PLD1: variants seen among roughly 807,000 people sequenced by gnomAD.
PLD1 encodes phospholipase D1, also known as choline phosphatase 1.
A neutral mutation model predicts 137.1 loss-of-function variants in PLD1; 112 were observed. That is an observed-to-expected ratio of 0.82 (90% CI 0.70 to 0.96). The LOEUF is 0.96. PLD1 is among the 40% of genes least tolerant of loss of function. The pLI is 0.00. For missense variants in PLD1, 1,321 were observed against 1,342.0 expected, an observed-to-expected ratio of 0.98 and a Z score of 0.24; for synonymous variants, 431 against 454.7, an observed-to-expected ratio of 0.95 and a Z score of 0.66.
intron 25 of PLD1, among the ~76,000 whole-genome samples, chr3:171,606,522 C>T (rs923239858): frequency 6.6e-6 from 1 of 152,012 alleles, no homozygotes; most frequent in Non-Finnish European, 1.5e-5. Flanking sequence ...TGTATATCAA[C>T]AGTAAGGGAG....
chr3:171,687,306 G>T, intron 15 of PLD1, 65 bp downstream of exon 15: 4 of 1,287,920 alleles, frequency 3.1e-6, no homozygotes, highest in Middle Eastern at 1.9e-4. Flanking sequence ...AAACAGGTAT[G>T]TAGTGTCTGG....
chr3:171,612,590 AG>A lies in PLD1; in HGVS notation c.2729-159del, dbSNP rs1430725468. Among the ~76,000 whole-genome samples the A allele has an allele frequency of 3.3e-5, 5 of 152,138 alleles. No individual in the cohort carries two copies. Among genetic ancestry groups the A allele is most frequent in the Non-Finnish European group, 7.4e-5 (5 of 68,000 alleles). On this transcript the variant is annotated intron_variant, in intron 24 of 26. Coordinates refer to ENST00000351298, the MANE Select transcript of PLD1 (RefSeq NM_002662.5). The surrounding 1 kb of genome is among the most constrained non-coding windows in gnomAD (Gnocchi z 4.1). ...AGGGAGGTGGGGCCCTCCCTAACCC[AG>A]GGGTGAATCTTAATCAGTCTAAGCC...
intron 8 of PLD1, among the ~76,000 whole-genome samples, chr3:171,718,043 T>A (rs927785841): frequency 2.0e-5 from 3 of 152,226 alleles, no homozygotes; most frequent in African/African-American, 4.8e-5. Context: ...AATTTGCATA[T>A]GTTGAACCAT....
intron 16 of PLD1, among the ~76,000 whole-genome samples, chr3:171,685,267 A>ACTCAAAGT (rs1463971073): frequency 4.6e-5 from 7 of 152,158 alleles, no homozygotes; most frequent in African/African-American, 1.7e-4. Flanking sequence ...GGGAATCATT[A>ACTCAAAGT]CTCAAAGTCT....
At chr3:171,749,549 A>G (rs1342674235) in intron 1 of PLD1, among the ~76,000 whole-genome samples, 2 of 152,236 alleles carry the variant, frequency 1.3e-5, no homozygotes, top group Admixed American at 6.5e-5. Context: ...TAGATTTACC[A>G]TCCCACAGAT....
chr3:171,606,837 C>A (rs149959352), intron 25 of PLD1, among the ~76,000 whole-genome samples: 1 of 152,172 alleles, frequency 6.6e-6, no homozygotes, highest in East Asian at 1.9e-4. Flanking sequence ...ACAGTTTATT[C>A]ATCATATGTG....
intron 1 of PLD1, among the ~76,000 whole-genome samples, chr3:171,768,424 A>G (rs1478223810): frequency 2.6e-5 from 4 of 152,224 alleles, no homozygotes; most frequent in Non-Finnish European, 4.4e-5. Flanking sequence ...TGACAAGGCT[A>G]TAAACTGCAG....
intron 23 of PLD1, among the ~76,000 whole-genome samples, chr3:171,629,026 A>G (rs1352891299): frequency 4.7e-5 from 7 of 148,332 alleles, no homozygotes; most frequent in African/African-American, 1.2e-4. Flanking sequence ...ATTAGGCAGG[A>G]GAAGGAAATA....
intron 23 of PLD1, among the ~76,000 whole-genome samples, chr3:171,621,431 T>C (rs1733622820): frequency 6.6e-6 from 1 of 152,170 alleles, no homozygotes; most frequent in South Asian, 2.1e-4. Context: ...TTTTTTTTTG[T>C]CTTTAAGAGA....
chr3:171,641,630 G>T (rs1054620004), intron 23 of PLD1, among the ~76,000 whole-genome samples: 4 of 152,094 alleles, frequency 2.6e-5, no homozygotes, highest in Admixed American at 2.6e-4. Flanking sequence ...ACCTCCTGCA[G>T]CAGCTCCATT....
At chr3:171,676,535 G>A (rs181250056) in intron 18 of PLD1, among the ~76,000 whole-genome samples, 180 bp downstream of exon 18, 16 of 146,858 alleles carry the variant, frequency 1.1e-4, no homozygotes, top group Admixed American at 8.0e-4. Context: ...ATTCGGGAAT[G>A]TTTCCCTTTT....
chr3:171,667,487 G>A (rs1712266359), intron 19 of PLD1, among the ~76,000 whole-genome samples: 1 of 152,192 alleles, frequency 6.6e-6, no homozygotes, highest in Admixed American at 6.5e-5. Flanking sequence ...GATAATTATT[G>A]AAGAATAGGA....
intron 3 of PLD1, 60 bp from the exon 4 acceptor site, chr3:171,735,697 T>C: frequency 2.1e-6 from 2 of 946,764 alleles, no homozygotes; most frequent in Non-Finnish European, 3.4e-6. Flanking sequence ...CCAAAAGCTT[T>C]CAGTGAACAA....
chr3:171,682,284 G>C (rs1214215180), intron 16 of PLD1, among the ~76,000 whole-genome samples: 1 of 152,152 alleles, frequency 6.6e-6, no homozygotes, highest in African/African-American at 2.4e-5. Flanking sequence ...AAATGACTGA[G>C]TGATTTTGAA....
intron 23 of PLD1, among the ~76,000 whole-genome samples, chr3:171,638,565 G>C (rs79320729): frequency 6.6e-6 from 1 of 152,082 alleles, no homozygotes; most frequent in Admixed American, 6.6e-5. Context: ...ATTCTATTGC[G>C]GATGGTAGAA....
intron 12 of PLD1, among the ~76,000 whole-genome samples, chr3:171,698,994 A>G (rs1361114274): frequency 6.6e-6 from 1 of 150,694 alleles, no homozygotes. Flanking sequence ...AAAAAAAAAA[A>G]GGTTAAGACA....
At chr3:171,685,510 C>G (rs1714456670) in intron 16 of PLD1, among the ~76,000 whole-genome samples, 1 of 152,154 alleles carries the variant, frequency 6.6e-6, no homozygotes, top group East Asian at 1.9e-4. Context: ...TGTATCATCT[C>G]TAACCCTGAG....
chr3:171,764,869 AAGAAAGAAAGAAAG>A (rs1721737157), intron 1 of PLD1, among the ~76,000 whole-genome samples: 1 of 27,806 alleles, frequency 3.6e-5, no homozygotes, highest in African/African-American at 1.5e-4. Context: ...GAAAGAAAGA[AAGAAAGAAAGAAAG>A]AAAGAAAGAA....
intron 12 of PLD1, among the ~76,000 whole-genome samples, chr3:171,694,340 A>T (rs1473967119): frequency 2.0e-5 from 3 of 152,162 alleles, no homozygotes; most frequent in African/African-American, 7.2e-5. Flanking sequence ...GTACTATTAC[A>T]ATCAAGAATA....
Sources: allele counts gnomAD v4.1 joint callset (sites outside exome capture counted in the v4.1 genomes callset), GRCh38; gene constraint gnomAD v4.1.1; non-coding constraint Gnocchi (gnomAD v3.1); transcripts MANE v1.5; gene names NCBI Gene and HGNC (gene_info 2026-07-23, HGNC 2026-07-21).